GPC6: variants seen among roughly 807,000 people sequenced by gnomAD.
GPC6 encodes glypican 6.
Under a neutral mutation model 55.2 loss-of-function variants are expected in GPC6, and 14 were observed. That is an observed-to-expected ratio of 0.25 (90% CI 0.17 to 0.40). The LOEUF is 0.40. Among genes scored for constraint, GPC6 ranks in the 10% least tolerant of loss-of-function variants. GPC6 has a pLI of 1.00. For missense variants in GPC6, 641 were observed against 708.5 expected, an observed-to-expected ratio of 0.90 and a Z score of 1.08; for synonymous variants, 278 against 259.6, an observed-to-expected ratio of 1.07 and a Z score of -0.68.
intron 6 of GPC6, among the ~76,000 whole-genome samples, chr13:94,317,673 T>G (rs1948544296): frequency 6.6e-6 from 1 of 152,236 alleles, no homozygotes; most frequent in South Asian, 2.1e-4. Context: ...AAGTTTTTTT[T>G]GACAAAATGA....
chr13:93,945,712 T>C (rs1275767871), intron 3 of GPC6, among the ~76,000 whole-genome samples: 1 of 152,192 alleles, frequency 6.6e-6, no homozygotes. Context: ...AATTCTGTTG[T>C]CGTATATGAT....
chr13:93,338,185 C>T (rs542041465), intron 1 of GPC6, among the ~76,000 whole-genome samples: 10 of 152,268 alleles, frequency 6.6e-5, no homozygotes, highest in African/African-American at 2.4e-4. Context: ...ACTGCAAAGT[C>T]ATTATCCCCG....
At chr13:94,361,969 TA>T (rs1460893846) in intron 6 of GPC6, among the ~76,000 whole-genome samples, 1 of 152,224 alleles carries the variant, frequency 6.6e-6, no homozygotes, top group Non-Finnish European at 1.5e-5. Flanking sequence ...GTACCTATTA[TA>T]AAAAATCCTT....
chr13:93,634,081 A>G (rs1300162185), intron 2 of GPC6, among the ~76,000 whole-genome samples: 2 of 152,204 alleles, frequency 1.3e-5, no homozygotes, highest in Non-Finnish European at 2.9e-5. Context: ...ACTTTACCCC[A>G]GCTTCCCTCA....
chr13:93,961,817 T>A (rs1047871107), intron 3 of GPC6, among the ~76,000 whole-genome samples: 8 of 152,234 alleles, frequency 5.3e-5, no homozygotes, highest in East Asian at 3.9e-4. Flanking sequence ...CCTTTTTTTT[T>A]AACAATAAAT....
intron 3 of GPC6, among the ~76,000 whole-genome samples, chr13:93,871,035 G>A (rs1264026037): frequency 6.6e-6 from 1 of 151,832 alleles, no homozygotes; most frequent in Non-Finnish European, 1.5e-5. Flanking sequence ...GCTACTTTGA[G>A]TTTAGGTTTT....
upstream of GPC6, among the ~76,000 whole-genome samples, chr13:93,224,874 A>T (rs1875716042): frequency 6.6e-6 from 1 of 152,036 alleles, no homozygotes; most frequent in African/African-American, 2.4e-5. Flanking sequence ...AAACTATTTG[A>T]CTCTCCTGAT....
At chr13:93,460,208 T>A (rs1319797028) in intron 1 of GPC6, among the ~76,000 whole-genome samples, 1 of 152,216 alleles carries the variant, frequency 6.6e-6, no homozygotes, top group Non-Finnish European at 1.5e-5. Flanking sequence ...TTCCTGCCCT[T>A]GAGGCTGTGG....
chr13:94,269,559 C>T (rs951003236), intron 4 of GPC6, among the ~76,000 whole-genome samples: 3 of 152,172 alleles, frequency 2.0e-5, no homozygotes, highest in South Asian at 4.1e-4. Flanking sequence ...TCAGCTACCC[C>T]GGTGCACATT....
intron 3 of GPC6, among the ~76,000 whole-genome samples, chr13:93,886,824 C>T (rs369063203): frequency 1.3e-4 from 19 of 148,284 alleles, no homozygotes; most frequent in East Asian, 2.0e-4. Context: ...GAATAGTGTA[C>T]GTTTGATTCT....
chr13:94,145,793 G>C (rs534701364), intron 4 of GPC6, among the ~76,000 whole-genome samples: 1 of 152,266 alleles, frequency 6.6e-6, no homozygotes, highest in East Asian at 1.9e-4. Flanking sequence ...TAATTTAACA[G>C]AAGGGAACAT....
intron 2 of GPC6, among the ~76,000 whole-genome samples, chr13:93,559,128 A>T (rs1875627145): frequency 6.6e-6 from 1 of 152,146 alleles, no homozygotes; most frequent in African/African-American, 2.4e-5. Flanking sequence ...CTGTGTTATC[A>T]CAAAAATGGG....
intron 2 of GPC6, among the ~76,000 whole-genome samples, chr13:93,691,392 A>G (rs1012795324): frequency 6.9e-6 from 1 of 144,956 alleles, no homozygotes; most frequent in Non-Finnish European, 1.5e-5. Flanking sequence ...GCTTATTCCT[A>G]TATATTTTTT....
chr13:93,676,129 ATATATATATATATATATAT>A (rs1881606592), intron 2 of GPC6, among the ~76,000 whole-genome samples: 4 of 7,244 alleles, frequency 5.5e-4, no homozygotes, highest in Admixed American at 3.0e-3. Context: ...AAAAAAAAAT[ATATATATATATATATATAT>A]ATATATATAT....
intron 1 of GPC6, among the ~76,000 whole-genome samples, chr13:93,457,772 G>A (rs186843966): frequency 6.6e-6 from 1 of 152,180 alleles, no homozygotes; most frequent in East Asian, 1.9e-4. Context: ...CAAGAAAGAG[G>A]AGAACCAGAG....
chr13:93,959,016 C>T (rs1450282098), intron 3 of GPC6, among the ~76,000 whole-genome samples: 1 of 152,126 alleles, frequency 6.6e-6, no homozygotes, highest in Non-Finnish European at 1.5e-5. Flanking sequence ...GACTTTTGTA[C>T]ATTGATTTTG....
chr13:93,750,326 TG>T (rs777320281), intron 2 of GPC6, among the ~76,000 whole-genome samples: 4 of 152,338 alleles, frequency 2.6e-5, no homozygotes, highest in Non-Finnish European at 4.4e-5. Flanking sequence ...GAGCTACTGC[TG>T]GAAGGTAGTT....
intron 4 of GPC6, among the ~76,000 whole-genome samples, chr13:94,210,446 C>T (rs931602795): frequency 3.3e-5 from 5 of 152,132 alleles, no homozygotes; most frequent in East Asian, 1.9e-4. Context: ...CATAAGCCAC[C>T]GTGCCTGGCA....
chr13:93,216,844 T>C, the GPC6 span, among the ~76,000 whole-genome samples: 4 of 152,306 alleles, frequency 2.6e-5, no homozygotes, highest in East Asian at 1.9e-4. Flanking sequence ...AGATCTGAAA[T>C]AGAACTCAAA....
Sources: allele counts gnomAD v4.1 joint callset (sites outside exome capture counted in the v4.1 genomes callset), GRCh38; gene constraint gnomAD v4.1.1; transcripts MANE v1.5; gene names NCBI Gene and HGNC (gene_info 2026-07-23, HGNC 2026-07-21).